Variants in TUT4 observed in about 807,000 individuals in gnomAD.
TUT4 encodes terminal uridylyltransferase 4.
TUT4 carries 36 observed loss-of-function variants against 192.2 expected under a neutral mutation model. That is an observed-to-expected ratio of 0.19 (90% CI 0.14 to 0.25). TUT4 has a LOEUF of 0.25. Among genes scored for constraint, TUT4 ranks in the 10% least tolerant of loss-of-function variants. The pLI, the probability that TUT4 is intolerant of heterozygous loss-of-function variation, is 1.00. For synonymous variants in TUT4, 618 were observed against 666.0 expected, an observed-to-expected ratio of 0.93 and a Z score of 1.11; for missense variants, 1,493 against 1,957.2, an observed-to-expected ratio of 0.76 and a Z score of 4.47.
At chr1:52,451,405 A>T (rs1659385305) in intron 20 of TUT4, among the ~76,000 whole-genome samples, 1 of 152,240 alleles carries the variant, frequency 6.6e-6, no homozygotes, top group South Asian at 2.1e-4. Context: ...AGCCAGGCTA[A>T]TTAAGAAGAG....
At chr1:52,440,935 G>C (rs934339438) in intron 24 of TUT4, among the ~76,000 whole-genome samples, 1 of 152,168 alleles carries the variant, frequency 6.6e-6, no homozygotes, top group African/African-American at 2.4e-5. Context: ...GGAGATAACA[G>C]TTCATTTAAT....
At chr1:52,445,003 ATG>A (rs1053931318) in intron 24 of TUT4, among the ~76,000 whole-genome samples, 4 of 147,130 alleles carry the variant, frequency 2.7e-5, no homozygotes, top group East Asian at 3.9e-4. Context: ...ATATACATGT[ATG>A]TGTGTATATA....
chr1:52,496,069 T>A (rs79536573), intron 5 of TUT4, among the ~76,000 whole-genome samples: 1 of 152,076 alleles, frequency 6.6e-6, no homozygotes, highest in Non-Finnish European at 1.5e-5. Flanking sequence ...CTATGAAACA[T>A]GTTATTCCAA....
chr1:52,544,079 G>C (rs1423302296), intron 1 of TUT4, among the ~76,000 whole-genome samples: 2 of 142,984 alleles, frequency 1.4e-5, no homozygotes, highest in Admixed American at 1.4e-4. Context: ...ACAAGGTCAG[G>C]AGATGAGACC....
At chr1:52,524,010 T>C in intron 2 of TUT4, among the ~76,000 whole-genome samples, 1 of 152,212 alleles carries the variant, frequency 6.6e-6, no homozygotes, top group East Asian at 1.9e-4. Context: ...AGAAATTATT[T>C]AATTTAAACA....
chr1:52,461,212 G>A lies in TUT4; in HGVS notation c.3243C>T (p.Asn1081=). ...CTGCATAAGTAGCTAGCATTCTTGTGTTATGTTGAGCCTGAAAAATAATTA... is the reference window on the plus strand; with the variant it reads ...CTGCATAAGTAGCTAGCATTCTTGTATTATGTTGAGCCTGAAAAATAATTA... ...ISLYNTLAQH[N]TRMLATYAAI... The change falls in exon 19 of 30, where the codon AAC becomes AAT. Residue 1081 remains asparagine (N), a synonymous_variant. Coordinates refer to ENST00000257177, the MANE Select transcript of TUT4 (RefSeq NM_001009881.3). The A allele has an allele frequency of 6.2e-7, 1 of 1,605,284 alleles. No homozygotes were observed.
At chr1:52,517,014 C>T (rs1437226550) in intron 2 of TUT4, among the ~76,000 whole-genome samples, 1 of 152,176 alleles carries the variant, frequency 6.6e-6, no homozygotes, top group Non-Finnish European at 1.5e-5. Flanking sequence ...ATTAAATGTG[C>T]CAGAATTAAT....
intron 24 of TUT4, among the ~76,000 whole-genome samples, chr1:52,441,444 A>ATCTTT (rs1553160600): frequency 4.2e-5 from 5 of 119,984 alleles, no homozygotes; most frequent in African/African-American, 1.8e-4. Flanking sequence ...TCTCGGCTAA[A>ATCTTT]TTTTTTTTTT....
intron 2 of TUT4, among the ~76,000 whole-genome samples, chr1:52,519,732 C>T: frequency 6.6e-6 from 1 of 152,124 alleles, no homozygotes; most frequent in East Asian, 1.9e-4. Flanking sequence ...TGTTTTCGAA[C>T]CCCTGACCAC....
At chr1:52,545,014 G>A (rs373422074) in intron 1 of TUT4, among the ~76,000 whole-genome samples, 24 of 147,362 alleles carry the variant, frequency 1.6e-4, no homozygotes, top group East Asian at 6.0e-4. Flanking sequence ...CCATGATTGC[G>A]CCACTGCACC....
chr1:52,546,891 G>A (rs532516282), intron 1 of TUT4, among the ~76,000 whole-genome samples: 2 of 152,072 alleles, frequency 1.3e-5, no homozygotes, highest in African/African-American at 2.4e-5. Flanking sequence ...TGGCACTTTC[G>A]GAGGCTGAGG....
chr1:52,485,537 T>C (rs1669568857), intron 9 of TUT4, among the ~76,000 whole-genome samples: 1 of 152,196 alleles, frequency 6.6e-6, no homozygotes, highest in Admixed American at 6.5e-5. Context: ...TATCTTAACA[T>C]ATATGGCTTA....
In TUT4 at chr1:52,525,509, G is replaced by A. The variant is rs202147815; in HGVS notation, c.718+54C>T. On this transcript the variant is annotated intron_variant, in intron 2 of 29. Coordinates refer to ENST00000257177, the MANE Select transcript of TUT4 (RefSeq NM_001009881.3). The stretch of plus-strand genomic sequence containing the variant: ...TTTTTGTAATTAAAATGGTTAAACC[G>A]GGGATAATCTAAAGAACATTAATAT... The A allele has an allele frequency of 3.6e-5, 55 of 1,536,528 alleles. 1 individual carries two copies. Among genetic ancestry groups the A allele is most frequent in the Middle Eastern group, 1.8e-4 (1 of 5,712 alleles).
intron 19 of TUT4, among the ~76,000 whole-genome samples, chr1:52,460,418 G>T: frequency 6.6e-6 from 1 of 152,070 alleles, no homozygotes; most frequent in East Asian, 1.9e-4. Context: ...GGAGGCGGAG[G>T]TTGCAGTGAG....
rs763529272 is a variant in TUT4 at position 52,526,130 on chromosome 1, T to A, written c.151A>T (p.Asn51Tyr). ...TTATTTTTTTTACTACTATTCCTAT[T>A]TGGAGAGCTGTTCTCAATTTCTTTT... ...SVKEIENSSPNRNSSKKNKQN... is the reference protein window; with the variant it reads ...SVKEIENSSPYRNSSKKNKQN... Residue 51 changes from asparagine to tyrosine, a missense_variant, in exon 2 of 30, where the codon AAT becomes TAT. Coordinates refer to ENST00000257177, the MANE Select transcript of TUT4 (RefSeq NM_001009881.3). 1 of 1,612,656 alleles carries A rather than the reference T, an allele frequency of 6.2e-7. No individual in the cohort carries two copies. The highest frequency in any genetic ancestry group is 2.2e-5 in the East Asian group (1 of 44,866).
chr1:52,540,468 T>C (rs1250721947), intron 1 of TUT4, among the ~76,000 whole-genome samples: 1 of 143,386 alleles, frequency 7.0e-6, no homozygotes, highest in Non-Finnish European at 1.5e-5. Flanking sequence ...TGACCTAAGA[T>C]CGCACCACTG....
intron 24 of TUT4, among the ~76,000 whole-genome samples, chr1:52,438,586 C>T (rs1654510049): frequency 6.6e-6 from 1 of 152,132 alleles, no homozygotes; most frequent in Non-Finnish European, 1.5e-5. Context: ...AGAAAAATCT[C>T]AATAAAGTAG....
chr1:52,431,378 G>C lies in TUT4; in HGVS notation c.4346C>G (p.Ser1449Cys). The C allele has an allele frequency of 6.2e-7, 1 of 1,614,160 alleles. No individual in the cohort carries two copies. The change falls in exon 28 of 30, where the codon TCT becomes TGT. Residue 1449 changes from serine (S) to cysteine (C), a missense_variant. Coordinates refer to ENST00000257177, the MANE Select transcript of TUT4 (RefSeq NM_001009881.3). Reference sequence around the variant, plus strand: ...AAGCTTAGGTTGGGATCCTGGCTGAGATGAAGGCTGAGTAATAGCAGCTGA... The same window carrying C: ...AAGCTTAGGTTGGGATCCTGGCTGACATGAAGGCTGAGTAATAGCAGCTGA... ...SQSAAITQPS[S>C]QPGSQPKLGP...
intron 1 of TUT4, among the ~76,000 whole-genome samples, chr1:52,549,560 G>A (rs1688880704): frequency 6.6e-6 from 1 of 152,116 alleles, no homozygotes; most frequent in African/African-American, 2.4e-5. Context: ...TGATACAAAT[G>A]CAAATGTTTG....
Sources: allele counts gnomAD v4.1 joint callset (sites outside exome capture counted in the v4.1 genomes callset), GRCh38; gene constraint gnomAD v4.1.1; transcripts MANE v1.5; gene names NCBI Gene and HGNC (gene_info 2026-07-23, HGNC 2026-07-21).